The following LSAMP variants were observed in gnomAD, a reference collection of about 807,000 sequenced individuals.
The protein encoded by LSAMP is limbic system associated membrane protein, also known as limbic system-associated membrane protein.
A neutral mutation model predicts 38.6 loss-of-function variants in LSAMP; 7 were observed. The observed-to-expected ratio is 0.18, with a 90% CI of 0.10 to 0.34. The LOEUF is 0.34. LSAMP is among the 10% of genes least tolerant of loss of function. The pLI, the probability that LSAMP is intolerant of heterozygous loss-of-function variation, is 1.00. For missense variants in LSAMP, 313 were observed against 420.0 expected (o/e 0.75, Z 2.23); for synonymous variants, 154 against 166.8 (o/e 0.92, Z 0.59).
intron 3 of LSAMP, among the ~76,000 whole-genome samples, chr3:115,937,770 GCT>G: frequency 1.5e-3 from 2 of 1,316 alleles, no homozygotes; most frequent in Non-Finnish European, 0.053. Flanking sequence ...CCCGCAGCAT[GCT>G]AAATGATATT....
chr3:116,049,702 T>A (rs1941356644), intron 2 of LSAMP, among the ~76,000 whole-genome samples: 1 of 152,222 alleles, frequency 6.6e-6, no homozygotes, highest in African/African-American at 2.4e-5. Flanking sequence ...TCTGGATTTA[T>A]AAGAATCTAT....
chr3:115,880,674 G>T (rs1414453758), intron 3 of LSAMP, among the ~76,000 whole-genome samples: 2 of 152,086 alleles, frequency 1.3e-5, no homozygotes, highest in East Asian at 3.9e-4. Context: ...TAATAAGTTT[G>T]AAAATCAGAT....
At chr3:116,006,678 C>A (rs913968126) in intron 3 of LSAMP, among the ~76,000 whole-genome samples, 2 of 152,122 alleles carry the variant, frequency 1.3e-5, no homozygotes, top group Middle Eastern at 3.2e-3. Context: ...CTCAAATAAT[C>A]ACCCCCTGCC....
intron 3 of LSAMP, among the ~76,000 whole-genome samples, chr3:115,871,361 C>T (rs1189690297): frequency 1.3e-5 from 2 of 151,918 alleles, no homozygotes; most frequent in African/African-American, 4.8e-5. Context: ...AAAATGGCTA[C>T]AGGGAATCAG....
At chr3:116,275,413 T>C (rs1437292428) in intron 1 of LSAMP, among the ~76,000 whole-genome samples, 3 of 152,214 alleles carry the variant, frequency 2.0e-5, no homozygotes, top group African/African-American at 7.2e-5. Context: ...AAAAAAATTA[T>C]GTTTAAGCAA....
intron 3 of LSAMP, among the ~76,000 whole-genome samples, chr3:115,854,537 T>A (rs1260445505): frequency 6.6e-6 from 1 of 152,266 alleles, no homozygotes; most frequent in East Asian, 1.9e-4. Flanking sequence ...GAGGTTAATT[T>A]TTTCCTGTCT....
chr3:116,290,288 C>A (rs960045436), intron 1 of LSAMP, among the ~76,000 whole-genome samples: 1 of 152,176 alleles, frequency 6.6e-6, no homozygotes, highest in Non-Finnish European at 1.5e-5. Flanking sequence ...CTGCACACTG[C>A]CCCTTCTTAC....
intron 3 of LSAMP, among the ~76,000 whole-genome samples, chr3:115,952,189 C>T (rs1170406112): frequency 6.6e-6 from 1 of 152,110 alleles, no homozygotes; most frequent in Non-Finnish European, 1.5e-5. Flanking sequence ...GTAGAACTAC[C>T]ATTTGATTCA....
intron 3 of LSAMP, among the ~76,000 whole-genome samples, chr3:116,011,481 T>C (rs1032005307): frequency 5.3e-5 from 8 of 152,024 alleles, no homozygotes; most frequent in African/African-American, 1.7e-4. Flanking sequence ...GTTCCAGGGA[T>C]AGGATGATCA....
At chr3:115,824,218 T>C (rs1227409705) in intron 6 of LSAMP, among the ~76,000 whole-genome samples, 1 of 152,216 alleles carries the variant, frequency 6.6e-6, no homozygotes, top group Non-Finnish European at 1.5e-5. Context: ...ATCCCAGAAG[T>C]AAATTTATTT....
chr3:116,185,043 T>C (rs1431752624), intron 1 of LSAMP, among the ~76,000 whole-genome samples: 1 of 150,302 alleles, frequency 6.7e-6, no homozygotes, highest in Non-Finnish European at 1.5e-5. Flanking sequence ...TTTTTTTTTT[T>C]TTCAGTTCTC....
At position 115,808,393 on chromosome 3, in the gene LSAMP, G is replaced by A. The variant is rs1304259347; in HGVS notation, c.*1924C>T. On this transcript the variant is annotated 3_prime_UTR_variant, in exon 7 of 7. Coordinates refer to ENST00000490035, the MANE Select transcript of LSAMP (RefSeq NM_002338.5). Reference sequence around the variant, plus strand: ...TTACTACTGTGTAAGTGAGAGCAAGGGTTGGTTTTCTGACAAAGACATCTA... The same window carrying A: ...TTACTACTGTGTAAGTGAGAGCAAGAGTTGGTTTTCTGACAAAGACATCTA... 1.3e-5 allele frequency: 2 copies of A among 151,780 alleles called. No homozygotes were observed. The highest frequency in any genetic ancestry group is 4.8e-5 in the African/African-American group (2 of 41,288). The allele number at this position is 151,780 out of a possible 1,614,324, so 9.4% of individuals were successfully genotyped here.
chr3:116,042,661 C>A (rs1941201092), intron 2 of LSAMP, among the ~76,000 whole-genome samples: 1 of 152,154 alleles, frequency 6.6e-6, no homozygotes, highest in African/African-American at 2.4e-5. Flanking sequence ...GTCTCCTGAT[C>A]TCGTGATCCA....
intron 1 of LSAMP, among the ~76,000 whole-genome samples, chr3:116,352,065 C>A (rs2048147992): frequency 6.6e-6 from 1 of 151,994 alleles, no homozygotes; most frequent in African/African-American, 2.4e-5. Flanking sequence ...AAAAGGTTCA[C>A]CGCTTCACCG....
At chr3:116,374,878 C>G (rs1272030211) in intron 1 of LSAMP, among the ~76,000 whole-genome samples, 2 of 151,872 alleles carry the variant, frequency 1.3e-5, no homozygotes, top group Non-Finnish European at 2.9e-5. Flanking sequence ...AACAGAGATT[C>G]TGAGAATGAG....
At chr3:116,205,958 G>A (rs2046061737) in intron 1 of LSAMP, among the ~76,000 whole-genome samples, 1 of 150,134 alleles carries the variant, frequency 6.7e-6, no homozygotes, top group Admixed American at 6.6e-5. Context: ...CTATTGATTG[G>A]AATAGTTTCA....
chr3:115,868,949 T>C (rs985363559), intron 3 of LSAMP, among the ~76,000 whole-genome samples: 2 of 150,098 alleles, frequency 1.3e-5, no homozygotes, highest in African/African-American at 5.0e-5. Context: ...TACTCAGTAA[T>C]ATTTGTCTTT....
chr3:115,943,760 C>A (rs1576241900), intron 3 of LSAMP, among the ~76,000 whole-genome samples: 1 of 152,196 alleles, frequency 6.6e-6, no homozygotes, highest in African/African-American at 2.4e-5. Context: ...CAGCCCTCAT[C>A]ACTGCCTCCA....
intron 1 of LSAMP, among the ~76,000 whole-genome samples, chr3:116,427,957 T>C (rs2049225907): frequency 1.3e-5 from 2 of 152,252 alleles, no homozygotes; most frequent in Non-Finnish European, 2.9e-5. Flanking sequence ...GAATACCTGA[T>C]AGTCTTTCAA....
Sources: gnomAD v4.1 joint callset for allele counts (sites outside exome capture counted in the v4.1 genomes callset) on GRCh38, gnomAD v4.1.1 for gene constraint, MANE v1.5 for transcripts, NCBI Gene and HGNC (gene_info 2026-07-23, HGNC 2026-07-21) for gene names.